Variants in BCL2 observed in about 807,000 individuals in gnomAD.
The protein encoded by BCL2 is BCL2 apoptosis regulator, also known as apoptosis regulator Bcl-2.
BCL2 carries 1 observed loss-of-function variant against 14.2 expected under a neutral mutation model. The ratio of observed to expected loss-of-function variants is 0.07; its 90% CI spans 0.02 to 0.33. The LOEUF (loss-of-function observed/expected upper bound fraction) is 0.33. Ranked by LOEUF, BCL2 falls within the 10% of genes least tolerant of loss-of-function variation. The pLI, the probability that BCL2 is intolerant of heterozygous loss-of-function variation, is 0.99. For missense variants in BCL2, 247 were observed against 305.9 expected (o/e 0.81, Z 1.44); for synonymous variants, 151 against 137.2 (o/e 1.10, Z -0.70).
At chr18:63,157,081 G>A (rs1016819982) in intron 2 of BCL2, among the ~76,000 whole-genome samples, 3 of 152,182 alleles carry the variant, frequency 2.0e-5, no homozygotes, top group African/African-American at 7.2e-5. Flanking sequence ...AGTTAATTGT[G>A]GGTCTGACAA....
intron 2 of BCL2, chr18:63,302,164 C>G (rs931137742): frequency 4.9e-6 from 1 of 202,348 alleles, no homozygotes; most frequent in African/African-American, 2.4e-5. Context: ...CCAGTCTCTA[C>G]TAAAAAAAAT....
chr18:63,175,177 A>G (rs1429273051), intron 2 of BCL2, among the ~76,000 whole-genome samples: 1 of 152,228 alleles, frequency 6.6e-6, no homozygotes, highest in Non-Finnish European at 1.5e-5. Context: ...TCATGAAAAA[A>G]TACTGGAAAA....
At chr18:63,304,488 A>G (rs1468009173) in intron 2 of BCL2, among the ~76,000 whole-genome samples, 2 of 152,232 alleles carry the variant, frequency 1.3e-5, no homozygotes, top group African/African-American at 4.8e-5. Flanking sequence ...TTACTAAAGG[A>G]GATAGTGTCT....
intron 2 of BCL2, among the ~76,000 whole-genome samples, chr18:63,240,723 C>T (rs1170639627): frequency 6.6e-6 from 1 of 152,248 alleles, no homozygotes; most frequent in African/African-American, 2.4e-5. Flanking sequence ...TAAACTACCA[C>T]AGCAATTTAG....
chr18:63,129,821 A>G (rs1914018340), intron 2 of BCL2, among the ~76,000 whole-genome samples: 1 of 152,128 alleles, frequency 6.6e-6, no homozygotes, highest in Admixed American at 6.5e-5. Context: ...TGACTGGTGC[A>G]GTGCCAACCT....
At chr18:63,151,739 T>C (rs1005605158) in intron 2 of BCL2, among the ~76,000 whole-genome samples, 4 of 152,164 alleles carry the variant, frequency 2.6e-5, no homozygotes, top group African/African-American at 9.7e-5. Flanking sequence ...AAGATAAAGC[T>C]CTTAATGCGA....
chr18:63,170,488 T>C (rs1387296097), intron 2 of BCL2, among the ~76,000 whole-genome samples: 1 of 152,196 alleles, frequency 6.6e-6, no homozygotes, highest in Admixed American at 6.5e-5. Flanking sequence ...TCAGCTACAT[T>C]ACATTTTGCT....
At chr18:63,238,688 A>G (rs8083946) in intron 2 of BCL2, among the ~76,000 whole-genome samples, 82,366 of 152,104 alleles carry the variant, frequency 0.54, 23,989 homozygotes, top group Non-Finnish European at 0.66. Flanking sequence ...GTTTATTTAC[A>G]GTTTTGATAT....
intron 2 of BCL2, among the ~76,000 whole-genome samples, chr18:63,188,840 T>C (rs1915653146): frequency 6.6e-6 from 1 of 152,034 alleles, no homozygotes; most frequent in South Asian, 2.1e-4. Flanking sequence ...AATAATATTA[T>C]CCATACAGAC....
intron 2 of BCL2, among the ~76,000 whole-genome samples, chr18:63,152,974 T>A (rs1914687592): frequency 6.6e-6 from 1 of 152,222 alleles, no homozygotes; most frequent in Admixed American, 6.5e-5. Context: ...CTCTCTCTCA[T>A]CTGAGAAAAC....
Position 63,127,297 on chromosome 18 carries a change from C to A in BCL2, c.*1328G>T, listed in dbSNP as rs1430859065. Reference sequence around the variant, plus strand: ...CACACAGCCAACGTGCCATGTGCTACAGCCAAAATGGGCCGTGGCCATTGC... The same window carrying A: ...CACACAGCCAACGTGCCATGTGCTAAAGCCAAAATGGGCCGTGGCCATTGC... On this transcript the variant is annotated 3_prime_UTR_variant, in exon 3 of 3. Transcript: ENST00000333681. The A allele has an allele frequency of 8.6e-6, 2 of 231,762 alleles. No individual in the cohort carries two copies. Among genetic ancestry groups the A allele is most frequent in the Non-Finnish European group, 1.7e-5 (2 of 116,998 alleles). The allele number at this position is 231,762 out of a possible 1,614,324, so 14.4% of individuals were successfully genotyped here. A position where few individuals can be genotyped will look rare whatever the true frequency, so the allele number is the denominator to read the frequency against.
intron 2 of BCL2, among the ~76,000 whole-genome samples, chr18:63,256,494 G>T (rs989395903): frequency 6.6e-6 from 1 of 152,220 alleles, no homozygotes; most frequent in Non-Finnish European, 1.5e-5. Flanking sequence ...TGGGATTACA[G>T]GCGTGAGCCA....
At chr18:63,146,161 T>G (rs1323354395) in intron 2 of BCL2, among the ~76,000 whole-genome samples, 1 of 152,238 alleles carries the variant, frequency 6.6e-6, no homozygotes, top group Non-Finnish European at 1.5e-5. Context: ...GTTCTCCATT[T>G]GCCTGTTGTA....
At chr18:63,197,888 A>T (rs773333076) in intron 2 of BCL2, among the ~76,000 whole-genome samples, 22 of 152,164 alleles carry the variant, frequency 1.4e-4, no homozygotes, top group Non-Finnish European at 2.6e-4. Context: ...AAGAAATATA[A>T]AACAAACAGA....
chr18:63,261,368 G>A (rs1255354847), intron 2 of BCL2, among the ~76,000 whole-genome samples: 2 of 151,776 alleles, frequency 1.3e-5, no homozygotes, highest in East Asian at 3.9e-4. Context: ...GAACAAGGCA[G>A]ATGGAAGAAG....
intron 2 of BCL2, among the ~76,000 whole-genome samples, chr18:63,279,993 G>A (rs572345095): frequency 8.9e-4 from 135 of 152,326 alleles, no homozygotes; most frequent in African/African-American, 3.2e-3. Flanking sequence ...ATGGCCTTAT[G>A]GGGGCTGGCA....
chr18:63,219,690 C>T (rs1910330855), intron 2 of BCL2, among the ~76,000 whole-genome samples: 1 of 152,228 alleles, frequency 6.6e-6, no homozygotes, highest in Admixed American at 6.5e-5. Context: ...AATCTACAAG[C>T]ATTGATGAGG....
At chr18:63,182,364 T>C (rs1915496243) in intron 2 of BCL2, among the ~76,000 whole-genome samples, 1 of 152,162 alleles carries the variant, frequency 6.6e-6, no homozygotes, top group Admixed American at 6.5e-5. Context: ...AACAGAGCCC[T>C]GTGAAGAAGG....
intron 2 of BCL2, among the ~76,000 whole-genome samples, chr18:63,167,917 C>T (rs1915084038): frequency 6.8e-6 from 1 of 146,372 alleles, no homozygotes; most frequent in African/African-American, 2.6e-5. Flanking sequence ...CAGAGTGAGA[C>T]TCCGTCTCAA....
Sources: gnomAD v4.1 joint callset for allele counts (sites outside exome capture counted in the v4.1 genomes callset) on GRCh38, gnomAD v4.1.1 for gene constraint, MANE v1.5 for transcripts, NCBI Gene and HGNC (gene_info 2026-07-23, HGNC 2026-07-21) for gene names.